The following CHSY3 variants were observed in gnomAD, a reference collection of about 807,000 sequenced individuals.
The protein encoded by CHSY3 is chondroitin sulfate synthase 3.
A neutral mutation model predicts 67.2 loss-of-function variants in CHSY3; 35 were observed. That is an observed-to-expected ratio of 0.52 (90% confidence interval 0.40 to 0.69). The LOEUF (loss-of-function observed/expected upper bound fraction) is 0.69, where lower values mean the gene tolerates loss of function less well. CHSY3 is among the 30% of genes least tolerant of loss of function. The pLI is 0.00. For missense variants in CHSY3, 1,069 were observed against 1,138.5 expected, an observed-to-expected ratio of 0.94 and a Z score of 0.88; for synonymous variants, 474 against 434.7, an observed-to-expected ratio of 1.09 and a Z score of -1.12.
At chr5:129,983,399 C>G (rs1392822946) in intron 2 of CHSY3, among the ~76,000 whole-genome samples, 1 of 151,874 alleles carries the variant, frequency 6.6e-6, no homozygotes, top group African/African-American at 2.4e-5. Flanking sequence ...TGTCAACATT[C>G]CTTATGGTAT....
rs1009327443 is a variant in CHSY3 at position 129,994,262 on chromosome 5, T to G, written c.1086+85902T>G. ...TCCTGAATTTGAATGTTGACCTGCC[T>G]TGCTAGATTGGGGAAGTTCTCCTGG... On this transcript the variant is annotated intron_variant, in intron 2 of 2. Coordinates refer to ENST00000305031, the MANE Select transcript of CHSY3 (RefSeq NM_175856.5). Among the ~76,000 whole-genome samples, 46 of 152,174 alleles carry G rather than the reference T, an allele frequency of 3.0e-4. 2 individuals are homozygous for G. Among genetic ancestry groups the G allele is most frequent in the Non-Finnish European group, 2.9e-5 (2 of 68,028 alleles).
intron 2 of CHSY3, among the ~76,000 whole-genome samples, chr5:130,181,633 A>T (rs1206398381): frequency 1.3e-5 from 2 of 152,216 alleles, no homozygotes; most frequent in African/African-American, 4.8e-5. Context: ...ATGTTCACAT[A>T]TTAAATGCAC....
intron 2 of CHSY3, among the ~76,000 whole-genome samples, chr5:130,169,162 T>G (rs951817068): frequency 3.9e-5 from 6 of 152,130 alleles, no homozygotes; most frequent in Non-Finnish European, 8.8e-5. Context: ...TTCTTCAGCA[T>G]CTACTGTATA....
chr5:129,920,605 T>C (rs1361990023), intron 2 of CHSY3, among the ~76,000 whole-genome samples: 1 of 152,148 alleles, frequency 6.6e-6, no homozygotes, highest in East Asian at 1.9e-4. Flanking sequence ...AGAACCCAGT[T>C]ACCATCAGTT....
At chr5:129,998,948 C>T (rs1225963297) in intron 2 of CHSY3, among the ~76,000 whole-genome samples, 1 of 151,910 alleles carries the variant, frequency 6.6e-6, no homozygotes, top group Non-Finnish European at 1.5e-5. Flanking sequence ...TCTATTAACC[C>T]TTTTTAAGGC....
chr5:130,054,685 A>G (rs1765472047), intron 2 of CHSY3, among the ~76,000 whole-genome samples: 2 of 152,236 alleles, frequency 1.3e-5, no homozygotes, highest in Non-Finnish European at 2.9e-5. Context: ...TTTTGGAAGG[A>G]AACCTACCAC....
intron 2 of CHSY3, among the ~76,000 whole-genome samples, chr5:130,003,768 G>T (rs1258426187): frequency 6.6e-6 from 1 of 152,136 alleles, no homozygotes; most frequent in African/African-American, 2.4e-5. Flanking sequence ...TTTCTGTTAT[G>T]AGGGCATTGA....
At chr5:130,082,917 G>T (rs1038333583) in intron 2 of CHSY3, among the ~76,000 whole-genome samples, 1 of 151,604 alleles carries the variant, frequency 6.6e-6, no homozygotes, top group Admixed American at 6.6e-5. Context: ...TAAAGGAATT[G>T]TGATGGGTTG....
At chr5:130,130,473 C>T (rs868476391) in intron 2 of CHSY3, among the ~76,000 whole-genome samples, 4 of 152,124 alleles carry the variant, frequency 2.6e-5, no homozygotes, top group African/African-American at 4.8e-5. Context: ...ACTTCACTAA[C>T]CCATTCCTTT....
chr5:130,001,798 A>T (rs533348808), intron 2 of CHSY3: 1 of 808,496 alleles, frequency 1.2e-6, no homozygotes, highest in African/African-American at 1.9e-5. Flanking sequence ...CTGTATATCT[A>T]GATTATGGGA....
intron 2 of CHSY3, among the ~76,000 whole-genome samples, chr5:130,086,307 A>T (rs964488888): frequency 6.6e-6 from 1 of 152,066 alleles, no homozygotes; most frequent in Non-Finnish European, 1.5e-5. Context: ...TATTGGGTGC[A>T]TATATATTTA....
At chr5:130,050,710 G>A (rs1249717278) in intron 2 of CHSY3, among the ~76,000 whole-genome samples, 1 of 152,086 alleles carries the variant, frequency 6.6e-6, no homozygotes, top group African/African-American at 2.4e-5. Context: ...TCAAGGAAAT[G>A]AGAATTTTCA....
chr5:130,154,962 G>C (rs1769330308), intron 2 of CHSY3, among the ~76,000 whole-genome samples: 1 of 152,160 alleles, frequency 6.6e-6, no homozygotes. Context: ...GGTGGGGCCT[G>C]AGAGTCTTCA....
rs142980055 is a variant in CHSY3 at position 130,107,791 on chromosome 5, G to A, written c.1087-76438G>A. Among the ~76,000 whole-genome samples the A allele has an allele frequency of 2.6e-4, 39 of 151,640 alleles. No individual in the cohort carries two copies. The East Asian group carries it at 6.0e-3, about 23-fold the overall frequency. On this transcript the variant is annotated intron_variant, in intron 2 of 2. Transcript: ENST00000305031. ...AGGTCTAATTATTGGTATCATGCCT[G>A]CAAAGCAAGCTCTATCCTCTCCACC...
intron 2 of CHSY3, among the ~76,000 whole-genome samples, chr5:130,014,056 C>T (rs189690687): frequency 4.6e-5 from 7 of 152,180 alleles, no homozygotes; most frequent in Non-Finnish European, 1.0e-4. Context: ...TAAAGCATAG[C>T]GAGAGTCACC....
At chr5:130,109,340 T>C (rs1022292637) in intron 2 of CHSY3, among the ~76,000 whole-genome samples, 3 of 151,614 alleles carry the variant, frequency 2.0e-5, no homozygotes, top group Non-Finnish European at 3.0e-5. Context: ...TCTACTTCAT[T>C]TCCACTAGGG....
chr5:130,157,406 G>T (rs949501656), intron 2 of CHSY3, among the ~76,000 whole-genome samples: 1 of 152,184 alleles, frequency 6.6e-6, no homozygotes, highest in Non-Finnish European at 1.5e-5. Context: ...AACTATTTAG[G>T]CTGCATAGCA....
At position 130,092,757 on chromosome 5, in the gene CHSY3, G is replaced by T. The variant is rs531725168; in HGVS notation, c.1087-91472G>T. Among the ~76,000 whole-genome samples the T allele has an allele frequency of 9.8e-5, 15 of 152,296 alleles. No homozygotes were observed. The South Asian group carries it at 3.1e-3, about 32-fold the overall frequency. On this transcript the variant is annotated intron_variant, in intron 2 of 2. Coordinates refer to ENST00000305031, the MANE Select transcript of CHSY3 (RefSeq NM_175856.5). ...TTTAATCAGGTGCTGTGGCAGAGGA[G>T]ATGGGAGATCAGTCTCATATCCATC... is the stretch of plus-strand genomic sequence containing the variant.
intron 2 of CHSY3, among the ~76,000 whole-genome samples, chr5:129,937,159 G>A (rs1259571566): frequency 6.6e-6 from 1 of 152,190 alleles, no homozygotes; most frequent in African/African-American, 2.4e-5. Context: ...AATTTATAAA[G>A]AGAAGAGGTT....
Sources: gnomAD v4.1 joint callset for allele counts (sites outside exome capture counted in the v4.1 genomes callset) on GRCh38, gnomAD v4.1.1 for gene constraint, MANE v1.5 for transcripts, NCBI Gene and HGNC (gene_info 2026-07-23, HGNC 2026-07-21) for gene names.